DHX16: variants seen among roughly 807,000 people sequenced by gnomAD.
DHX16 encodes DEAH-box helicase 16, also known as pre-mRNA-splicing factor ATP-dependent RNA helicase DHX16.
In DHX16, 81 loss-of-function variants were observed where a neutral mutation model predicts 131.2. That is an observed-to-expected ratio of 0.62 (90% CI 0.52 to 0.74). The LOEUF is 0.74. Ranked by LOEUF, DHX16 falls within the 30% of genes least tolerant of loss-of-function variation. The pLI is 0.00. For missense variants in DHX16, 980 were observed against 1,363.1 expected (o/e 0.72, Z 4.43); for synonymous variants, 440 against 520.2 (o/e 0.85, Z 2.10).
At chr6:30,672,595 C>T (rs751383171) in intron 1 of DHX16, 40 bp downstream of exon 1, 5 of 1,559,284 alleles carry the variant, frequency 3.2e-6, no homozygotes, top group Admixed American at 1.7e-5. Flanking sequence ...CCAGCCTCAC[C>T]GGGACAAATC....
intron 7 of DHX16, among the ~76,000 whole-genome samples, chr6:30,664,170 A>G (rs1430005368): frequency 2.6e-5 from 4 of 151,796 alleles, no homozygotes; most frequent in Non-Finnish European, 4.4e-5. Flanking sequence ...CTTGGGCATC[A>G]GAGCAAGAGC....
At chr6:30,655,110 C>G (rs1000719094) in intron 18 of DHX16, 65 bp downstream of exon 18, 4 of 1,599,314 alleles carry the variant, frequency 2.5e-6, no homozygotes, top group Non-Finnish European at 3.4e-6. Context: ...GCTGCATGCC[C>G]CCAGAGAAGC....
rs1767835672 is a variant in DHX16, at chr6:30,655,016, C to T, written c.2824-137G>A. 3.6e-6 allele frequency: 5 copies of T among 1,391,472 alleles called. No individual in the cohort carries two copies. The South Asian group carries it at 5.4e-5, about 15-fold the overall frequency. 86.2% of individuals were successfully genotyped at this position (1,391,472 alleles called of 1,614,324 possible). A position where few individuals can be genotyped will look rare whatever the true frequency, so the allele number is the denominator to read the frequency against. On this transcript the variant is annotated intron_variant, in intron 18 of 19. Coordinates refer to ENST00000376442, the MANE Select transcript of DHX16 (RefSeq NM_003587.5). ...CATGAAGAACTTCCCAGGAATGAAC[C>T]TTCAGTGGTCTGGGGAAGAAAGGGC...
Position 30,670,394 on chromosome 6 carries a change from A to G in DHX16, c.666+16T>C, listed in dbSNP as rs1769418495. 3 of 1,605,422 alleles carry G rather than the reference A, an allele frequency of 1.9e-6. No homozygotes were observed. The highest frequency in any genetic ancestry group is 1.7e-4 in the Middle Eastern group (1 of 6,056). ...TTTTGTCTTCTGATCTTGGCTCCCTAGGCCCTGGGACTCACCATGGCCTTC... is the reference window on the plus strand; with the variant it reads ...TTTTGTCTTCTGATCTTGGCTCCCTGGGCCCTGGGACTCACCATGGCCTTC... On this transcript the variant is annotated intron_variant, in intron 4 of 19. Transcript: ENST00000376442. This position sits in a 1 kb window ranked among gnomAD's most constrained non-coding sequence, Gnocchi z 4.4.
In DHX16 at chr6:30,656,772, G is replaced by A; in HGVS notation, c.2149-13C>T. 1 of 1,611,432 alleles carries A rather than the reference G, an allele frequency of 6.2e-7. No homozygotes were observed. Among genetic ancestry groups the A allele is most frequent in the Non-Finnish European group, 8.5e-7 (1 of 1,179,930 alleles). On this transcript the variant is annotated splice_polypyrimidine_tract_variant and intron_variant, in intron 13 of 19. Transcript: ENST00000376442. This position sits in a 1 kb window ranked among gnomAD's most constrained non-coding sequence, Gnocchi z 5.1. ...GATTGGCTGAGGCCTGGAAAGAAAG[G>A]GGAACAGGCTGGCTGACAATTTGGT... is the stretch of plus-strand genomic sequence containing the variant.
chr6:30,659,658 C>G (rs762731388), intron 11 of DHX16, 34 bp from the exon 12 acceptor site: 1 of 1,613,568 alleles, frequency 6.2e-7, no homozygotes, highest in Admixed American at 1.7e-5. Flanking sequence ...GCAGGGGTCC[C>G]AGAGTCACAG....
At chr6:30,668,382 G>A (rs1769227198) in intron 4 of DHX16, among the ~76,000 whole-genome samples, 1 of 152,124 alleles carries the variant, frequency 6.6e-6, no homozygotes, top group Non-Finnish European at 1.5e-5. Flanking sequence ...TGGGCACAGT[G>A]GCTCACGCCT....
chr6:30,654,681 C>A, intron 19 of DHX16, 25 bp downstream of exon 19: 2 of 1,596,656 alleles, frequency 1.3e-6, no homozygotes, highest in Non-Finnish European at 1.7e-6. Context: ...TCTCCACCTG[C>A]GTGGGCACAG....
At position 30,664,867 on chromosome 6, in the gene DHX16, G is replaced by C; in HGVS notation, c.1251C>G (p.Val417=). ...ELLAAIANHQ[V]LIIEGETGSG... ...AGCCTGTCTCGCCTTCAATGATGAG[G>C]ACTTGGTGATTTGCAATAGCAGCCA... The change falls in exon 7 of 20, where the codon GTC becomes GTG. Residue 417 remains valine, a synonymous_variant. Coordinates refer to ENST00000376442, the MANE Select transcript of DHX16 (RefSeq NM_003587.5). The C allele has an allele frequency of 6.2e-7, 1 of 1,613,146 alleles. No individual in the cohort carries two copies. The highest frequency in any genetic ancestry group is 8.5e-7 in the Non-Finnish European group (1 of 1,180,002).
chr6:30,655,282 T>C lies in DHX16; in HGVS notation c.2716A>G (p.Arg906Gly). 6.2e-7 allele frequency: 1 copy of C among 1,614,232 alleles called. No homozygotes were observed. The highest frequency in any genetic ancestry group is 1.1e-5 in the South Asian group (1 of 91,090). The change falls in exon 18 of 20, where the codon AGA (arginine) becomes GGA (glycine). Residue 906 changes from arginine to glycine, a missense_variant. Arg to Gly is a moderately radical substitution (Grantham distance 125). Coordinates refer to ENST00000376442, the MANE Select transcript of DHX16 (RefSeq NM_003587.5). ...ACATCCCGGGCTCGGCGCATCGATC[T>C]GAACTGTACAAAGTTCTCATAGCAC... The part of the protein sequence containing the change: ...QWCYENFVQF[R>G]SMRRARDVRE...
At position 30,665,537 on chromosome 6, in the gene DHX16, T is replaced by C; in HGVS notation, c.863A>G (p.Glu288Gly). The change falls in exon 5 of 20, where the codon GAG becomes GGG. Residue 288 changes from glutamate to glycine, a missense_variant. Physicochemically the swap from Glu to Gly is moderately conservative, Grantham distance 98. This residue lies in a region of DHX16 where 457 missense variants were observed against 554.8 expected (regional missense o/e 0.82). Coordinates refer to ENST00000376442, the MANE Select transcript of DHX16 (RefSeq NM_003587.5). The surrounding 1 kb of genome is among the most constrained non-coding windows in gnomAD (Gnocchi z 4.8). ...ATTGGTGGCCTCCAGCTTCTCCTGC[T>C]CCCCAGCTGCCCGGTACTCCCGGGC... ...DLAREYRAAG[E>G]QEKLEATNRY... is the part of the protein sequence containing the mutation. 1 of 1,612,932 alleles carries C rather than the reference T, an allele frequency of 6.2e-7. No individual in the cohort carries two copies. The highest frequency in any genetic ancestry group is 8.5e-7 in the Non-Finnish European group (1 of 1,180,008).
Position 30,659,595 on chromosome 6 carries a change from G to A in DHX16, c.1884C>T (p.Leu628=), listed in dbSNP as rs746006151. Residue 628 remains leucine, a synonymous_variant, in exon 12 of 20, where the codon CTC becomes CTT. Transcript: ENST00000376442. ...QEEIEAACEM[L]QDRCRRLGSK... is the part of the protein sequence containing the mutation. ...AGCCCAGGCGGCGGCAGCGATCCTGGAGCATCTCACAGGCAGCCTCAATCT... is the reference window on the plus strand; with the variant it reads ...AGCCCAGGCGGCGGCAGCGATCCTGAAGCATCTCACAGGCAGCCTCAATCT... 3.0e-4 allele frequency: 483 copies of A among 1,613,702 alleles called. No homozygotes were observed. Among genetic ancestry groups the A allele is most frequent in the Non-Finnish European group, 3.8e-4 (449 of 1,180,022 alleles).
Position 30,656,075 on chromosome 6 carries a change from A to G in DHX16, c.2498+123T>C. The G allele has an allele frequency of 1.0e-6, 1 of 962,250 alleles. No individual in the cohort carries two copies. Among genetic ancestry groups the G allele is most frequent in the Non-Finnish European group, 1.6e-6 (1 of 619,598 alleles). The allele number at this position is 962,250 out of a possible 1,614,324, so 59.6% of individuals were successfully genotyped here. A position where few individuals can be genotyped will look rare whatever the true frequency, so the allele number is the denominator to read the frequency against. Reference sequence around the variant, plus strand: ...AAAAGGGGGCAATCAGAGTTATCTAATACTTTATTATGTGTTAAGGGATAG... The same window carrying G: ...AAAAGGGGGCAATCAGAGTTATCTAGTACTTTATTATGTGTTAAGGGATAG... On this transcript the variant is annotated intron_variant, in intron 16 of 19. Coordinates refer to ENST00000376442, the MANE Select transcript of DHX16 (RefSeq NM_003587.5). This position sits in a 1 kb window ranked among gnomAD's most constrained non-coding sequence, Gnocchi z 5.1.
Position 30,653,232 on chromosome 6 carries a change from C to G in DHX16, c.*10G>C. ...AGGAGCTGGTGTCAGGTTCTGTTTACGTCCTTCTCTTACCCTAGCTCTTCT... is the reference window on the plus strand; with the variant it reads ...AGGAGCTGGTGTCAGGTTCTGTTTAGGTCCTTCTCTTACCCTAGCTCTTCT... On this transcript the variant is annotated 3_prime_UTR_variant, in exon 20 of 20. Transcript: ENST00000376442. The G allele has an allele frequency of 6.2e-7, 1 of 1,611,638 alleles. No individual in the cohort carries two copies. Among genetic ancestry groups the G allele is most frequent in the Non-Finnish European group, 8.5e-7 (1 of 1,179,594 alleles).
At chr6:30,663,161 G>A in intron 7 of DHX16, 140 bp from the exon 8 acceptor site, 1 of 691,696 alleles carries the variant, frequency 1.4e-6, no homozygotes, top group East Asian at 2.7e-5. Context: ...CAGAAAAGAA[G>A]GGCAAATAGA....
intron 4 of DHX16, among the ~76,000 whole-genome samples, chr6:30,669,563 C>G (rs1769340982): frequency 6.6e-6 from 1 of 151,780 alleles, no homozygotes; most frequent in South Asian, 2.1e-4. Context: ...CGAGACCACC[C>G]TGGCCAACAT....
intron 9 of DHX16, 94 bp from the exon 10 acceptor site, chr6:30,660,336 C>A: frequency 4.8e-6 from 5 of 1,036,978 alleles, no homozygotes; most frequent in African/African-American, 1.6e-5. Flanking sequence ...GTAATGGACA[C>A]AAAGAGTTCA....
Position 30,656,682 on chromosome 6 carries a change from G to C in DHX16, c.2226C>G (p.Ala742=). ...GKCFRLYTAW[A]YQHELEETTV... ...TGGTTTCCTCAAGCTCGTGCTGATA[G>C]GCCCAGGCGGTATACAGGCGGAAGC... is the stretch of plus-strand genomic sequence containing the variant. Residue 742 remains alanine (A), a synonymous_variant, in exon 14 of 20, where the codon GCC becomes GCG. Coordinates refer to ENST00000376442, the MANE Select transcript of DHX16 (RefSeq NM_003587.5). The surrounding 1 kb of genome is among the most constrained non-coding windows in gnomAD (Gnocchi z 5.1). 6.2e-7 allele frequency: 1 copy of C among 1,613,952 alleles called. No homozygotes were observed. The highest frequency in any genetic ancestry group is 8.5e-7 in the Non-Finnish European group (1 of 1,180,024).
chr6:30,668,073 A>G (rs1228926321), intron 4 of DHX16, among the ~76,000 whole-genome samples: 1 of 152,262 alleles, frequency 6.6e-6, no homozygotes, highest in Non-Finnish European at 1.5e-5. Flanking sequence ...TAGTCGATAC[A>G]TAAGAATTAC....
Sources: allele counts gnomAD v4.1 joint callset (sites outside exome capture counted in the v4.1 genomes callset), GRCh38; gene constraint gnomAD v4.1.1; regional missense constraint gnomAD v4.1.1; non-coding constraint Gnocchi (gnomAD v3.1); transcripts MANE v1.5; gene names NCBI Gene and HGNC (gene_info 2026-07-23, HGNC 2026-07-21).